The following DNM3 variants were observed in gnomAD, a reference collection of about 807,000 sequenced individuals.
DNM3 encodes the protein dynamin 3.
Under a neutral mutation model 101.6 loss-of-function variants are expected in DNM3, and 47 were observed. The observed-to-expected ratio is 0.46, with a 90% confidence interval of 0.37 to 0.59. The LOEUF (loss-of-function observed/expected upper bound fraction) is 0.59, where lower values mean the gene tolerates loss of function less well. DNM3 is among the 20% of genes least tolerant of loss of function. DNM3 has a pLI of 0.00. For synonymous variants in DNM3, 385 were observed against 387.9 expected, an observed-to-expected ratio of 0.99 and a Z score of 0.09; for missense variants, 849 against 1,085.7, an observed-to-expected ratio of 0.78 and a Z score of 3.06.
intron 13 of DNM3, among the ~76,000 whole-genome samples, chr1:172,108,194 C>T (rs182088575): frequency 1.2e-4 from 18 of 152,104 alleles, no homozygotes; most frequent in Admixed American, 9.2e-4. Context: ...ATGTATATGT[C>T]TTCTAATCTT....
intron 1 of DNM3, among the ~76,000 whole-genome samples, chr1:171,904,287 G>A (rs1274656801): frequency 1.3e-5 from 2 of 152,098 alleles, no homozygotes; most frequent in South Asian, 2.1e-4. Flanking sequence ...CAGCCTGTGC[G>A]GCAGAGTAAG....
chr1:172,336,172 A>C (rs962811677), intron 17 of DNM3, among the ~76,000 whole-genome samples: 1 of 152,154 alleles, frequency 6.6e-6, no homozygotes, highest in South Asian at 2.1e-4. Context: ...ATCCGTCTAA[A>C]ATGTCAGTAG....
At chr1:172,093,967 A>G (rs1465765429) in intron 13 of DNM3, among the ~76,000 whole-genome samples, 1 of 152,230 alleles carries the variant, frequency 6.6e-6, no homozygotes, top group Non-Finnish European at 1.5e-5. Context: ...ATGCTGTAAT[A>G]ATAAACCCTT....
At chr1:172,413,222 GT>G (rs1162806025), downstream of DNM3, among the ~76,000 whole-genome samples, 1 of 152,054 alleles carries the variant, frequency 6.6e-6, no homozygotes, top group African/African-American at 2.4e-5. Flanking sequence ...AGTTTCCCCA[GT>G]TTTTTGTTTG....
intron 13 of DNM3, among the ~76,000 whole-genome samples, chr1:172,104,084 G>C (rs2054841783): frequency 6.6e-6 from 1 of 152,102 alleles, no homozygotes; most frequent in East Asian, 1.9e-4. Context: ...TGTGTCTTTT[G>C]CCCATTTTAG....
chr1:172,411,039 A>C lies in DNM3; in HGVS notation c.*3198A>C, dbSNP rs2071175001. The C allele has an allele frequency of 3.0e-6, 3 of 985,128 alleles. No homozygotes were observed. In the South Asian group the frequency reaches 1.4e-4, roughly 46 times the overall value. The allele number at this position is 985,128 out of a possible 1,614,324, so 61.0% of individuals were successfully genotyped here. The stretch of plus-strand genomic sequence containing the variant: ...TAGGTAGGTAGGTTTTAAAAATACT[A>C]GTTAAAATGCCACAAGCATGAGTGT... On this transcript the variant is annotated 3_prime_UTR_variant, in exon 21 of 21. Coordinates refer to ENST00000627582, the MANE Select transcript of DNM3 (RefSeq NM_015569.5).
intron 15 of DNM3, among the ~76,000 whole-genome samples, chr1:172,270,189 T>G (rs922399143): frequency 4.6e-5 from 7 of 151,772 alleles, no homozygotes; most frequent in African/African-American, 1.7e-4. Context: ...TTTCTATTAT[T>G]AGCAGTGTTA....
In DNM3 at chr1:172,322,019, G is replaced by A. The variant is rs191725911; in HGVS notation, c.1882-1310G>A. Among the ~76,000 whole-genome samples, 93 of 152,068 alleles carry A rather than the reference G, an allele frequency of 6.1e-4. 1 individual carries two copies. The highest frequency in any genetic ancestry group is 2.9e-3 in the Admixed American group (45 of 15,260). ...CGGTTATATCACGGCAACTCACAAT[G>A]CCAAGAAACTTCTCTTCACTATTTT... On this transcript the variant is annotated intron_variant, in intron 16 of 20. Transcript: ENST00000627582.
chr1:171,996,412 G>A (rs1427010126), intron 4 of DNM3, among the ~76,000 whole-genome samples: 2 of 152,084 alleles, frequency 1.3e-5, no homozygotes, highest in Non-Finnish European at 2.9e-5. Context: ...CTATTTTGGG[G>A]TAAGGAAGTT....
intron 15 of DNM3, among the ~76,000 whole-genome samples, chr1:172,285,719 A>C (rs1233508651): frequency 6.6e-6 from 1 of 152,182 alleles, no homozygotes; most frequent in Non-Finnish European, 1.5e-5. Flanking sequence ...ATTTAGAAAT[A>C]ATTTGAAAGC....
At chr1:172,381,748 A>G (rs2149063928) in intron 18 of DNM3, among the ~76,000 whole-genome samples, 1 of 152,090 alleles carries the variant, frequency 6.6e-6, no homozygotes, top group East Asian at 1.9e-4. Context: ...CTAATAATAA[A>G]ATCACAACGA....
At chr1:172,214,219 T>C (rs1423402969) in intron 14 of DNM3, among the ~76,000 whole-genome samples, 1 of 152,160 alleles carries the variant, frequency 6.6e-6, no homozygotes, top group Non-Finnish European at 1.5e-5. Flanking sequence ...GTCATAATCC[T>C]TATGGAGGAA....
chr1:172,027,020 T>G (rs962804395), intron 4 of DNM3, among the ~76,000 whole-genome samples: 3 of 152,008 alleles, frequency 2.0e-5, no homozygotes, highest in African/African-American at 7.3e-5. Flanking sequence ...AGAAATAAAA[T>G]CCTTTACAGA....
chr1:172,090,734 G>C (rs184033499), intron 12 of DNM3, among the ~76,000 whole-genome samples: 10 of 152,272 alleles, frequency 6.6e-5, no homozygotes, highest in Middle Eastern at 6.8e-3. Flanking sequence ...GTGAAGGAAA[G>C]CAGCTTAAAT....
chr1:172,367,992 C>T (rs536340287), intron 17 of DNM3, among the ~76,000 whole-genome samples: 1 of 151,908 alleles, frequency 6.6e-6, no homozygotes, highest in East Asian at 1.9e-4. Flanking sequence ...GGCTCTCATT[C>T]TTCTTGCTGC....
intron 10 of DNM3, among the ~76,000 whole-genome samples, chr1:172,057,087 G>A (rs545217853): frequency 6.6e-5 from 10 of 152,128 alleles, no homozygotes; most frequent in African/African-American, 2.4e-4. Context: ...TGGAAGAAAG[G>A]GTATCAGCAA....
chr1:172,265,065 A>G (rs950841282), intron 15 of DNM3, among the ~76,000 whole-genome samples: 4 of 152,196 alleles, frequency 2.6e-5, no homozygotes, highest in African/African-American at 9.7e-5. Flanking sequence ...AAAGCCCTGC[A>G]TGGAACTGAC....
intron 13 of DNM3, among the ~76,000 whole-genome samples, chr1:172,108,652 A>G (rs1463022743): frequency 6.6e-6 from 1 of 152,222 alleles, no homozygotes; most frequent in Non-Finnish European, 1.5e-5. Context: ...TCAGCAACCA[A>G]TCCATTCCCC....
intron 14 of DNM3, among the ~76,000 whole-genome samples, chr1:172,195,978 G>T (rs890939324): frequency 2.6e-5 from 4 of 151,544 alleles, no homozygotes; most frequent in African/African-American, 9.7e-5. Context: ...TGTCACAGGG[G>T]TTTGTTTACA....
Sources: allele counts gnomAD v4.1 joint callset (sites outside exome capture counted in the v4.1 genomes callset), GRCh38; gene constraint gnomAD v4.1.1; transcripts MANE v1.5; gene names NCBI Gene and HGNC (gene_info 2026-07-23, HGNC 2026-07-21).